EFL1: variants seen among roughly 807,000 people sequenced by gnomAD.
EFL1 encodes the protein elongation factor like GTPase 1.
Under a neutral mutation model 126.7 loss-of-function variants are expected in EFL1, and 76 were observed. That is an observed-to-expected ratio of 0.60 (90% CI 0.50 to 0.73). The LOEUF is 0.73. Ranked by LOEUF, EFL1 falls within the 30% of genes least tolerant of loss-of-function variation. The probability of loss-of-function intolerance (pLI) is 0.00; values close to 1 mark genes in which losing one functional copy is unlikely to be tolerated. For synonymous variants in EFL1, 410 were observed against 448.4 expected, an observed-to-expected ratio of 0.91 and a Z score of 1.08; for missense variants, 1,128 against 1,343.2, an observed-to-expected ratio of 0.84 and a Z score of 2.50.
chr15:82,156,756 T>G (rs72749537), intron 17 of EFL1, among the ~76,000 whole-genome samples: 1 of 152,198 alleles, frequency 6.6e-6, no homozygotes, highest in Non-Finnish European at 1.5e-5. Context: ...ATGATTATGA[T>G]TATAGTCCCA....
intron 15 of EFL1, among the ~76,000 whole-genome samples, chr15:82,164,807 G>C (rs1210138232): frequency 6.6e-6 from 1 of 151,244 alleles, no homozygotes; most frequent in Non-Finnish European, 1.5e-5. Flanking sequence ...TGAGGCAGGT[G>C]AATTGCTTGA....
chr15:82,239,930 A>G (rs1299052311), intron 6 of EFL1, among the ~76,000 whole-genome samples: 2 of 152,148 alleles, frequency 1.3e-5, no homozygotes, highest in East Asian at 1.9e-4. Context: ...TGTTCTCCAA[A>G]TATCTCTTTG....
intron 4 of EFL1, among the ~76,000 whole-genome samples, chr15:82,247,360 T>C (rs183120194): frequency 6.6e-6 from 1 of 152,100 alleles, no homozygotes; most frequent in African/African-American, 2.4e-5. Context: ...TTCTCAGGGA[T>C]GGTGAAAAGC....
intron 15 of EFL1, among the ~76,000 whole-genome samples, chr15:82,191,372 T>G (rs1054257673): frequency 2.0e-5 from 3 of 152,226 alleles, no homozygotes; most frequent in Non-Finnish European, 2.9e-5. Flanking sequence ...AGTTTCAAAG[T>G]CACTATTCTG....
At chr15:82,235,607 TATTA>T (rs1457909575) in intron 7 of EFL1, among the ~76,000 whole-genome samples, 20 of 152,248 alleles carry the variant, frequency 1.3e-4, no homozygotes, top group South Asian at 1.2e-3. Context: ...CATACAAATA[TATTA>T]ATTAATACAG....
chr15:82,157,802 G>A lies in EFL1; in HGVS notation c.1941C>T (p.Val647=), dbSNP rs748976302. The change falls in exon 17 of 20, where the codon GTC becomes GTT. Residue 647 remains valine, a synonymous_variant. Transcript: ENST00000268206. Reference sequence around the variant, plus strand: ...CTCCCGTTTCCTGAATTAAAATCTGGACACAGGGATCAGCCTGGTTTAACA... The same window carrying A: ...CTCCCGTTTCCTGAATTAAAATCTGAACACAGGGATCAGCCTGGTTTAACA... ...MKLLNQADPC[V]QILIQETGEH... The A allele has an allele frequency of 1.2e-6, 2 of 1,614,030 alleles. No individual in the cohort carries two copies. Among genetic ancestry groups the A allele is most frequent in the African/African-American group, 2.7e-5 (2 of 75,018 alleles).
chr15:82,140,164 C>T (rs1437471843), intron 18 of EFL1, among the ~76,000 whole-genome samples: 3 of 152,164 alleles, frequency 2.0e-5, no homozygotes, highest in Admixed American at 1.3e-4. Context: ...GTCTACTTCC[C>T]CAGCTAGCTA....
chr15:82,191,034 A>AG lies in EFL1; in HGVS notation c.1750+23682dup, dbSNP rs200941739. Among the ~76,000 whole-genome samples, 269 of 150,302 alleles carry AG rather than the reference A, an allele frequency of 1.8e-3. 2 individuals are homozygous for AG. Among genetic ancestry groups the AG allele is most frequent in the African/African-American group, 3.8e-3 (154 of 40,986 alleles). On this transcript the variant is annotated intron_variant, in intron 15 of 19. Transcript: ENST00000268206. ...GTATCCCTACTGTAATAAAAAAAAA[A>AG]GGGGGGGGAGTTTATTTTGTCAAGT...
intron 2 of EFL1, among the ~76,000 whole-genome samples, chr15:82,260,591 C>T (rs565267690): frequency 3.9e-5 from 6 of 152,342 alleles, no homozygotes; most frequent in African/African-American, 1.4e-4. Flanking sequence ...CATGGTGAAG[C>T]GTTTACCTTC....
At chr15:82,193,299 C>T (rs2074377885) in intron 15 of EFL1, among the ~76,000 whole-genome samples, 1 of 152,146 alleles carries the variant, frequency 6.6e-6, no homozygotes, top group East Asian at 1.9e-4. Context: ...ACATATTGAG[C>T]ACCACCATCA....
intron 6 of EFL1, among the ~76,000 whole-genome samples, chr15:82,239,742 T>C (rs2074912017): frequency 6.6e-6 from 1 of 152,252 alleles, no homozygotes; most frequent in African/African-American, 2.4e-5. Flanking sequence ...TTTATGACTT[T>C]GCCCATCGTA....
intron 15 of EFL1, among the ~76,000 whole-genome samples, chr15:82,204,183 G>T (rs1403201994): frequency 6.6e-6 from 1 of 151,390 alleles, no homozygotes; most frequent in Non-Finnish European, 1.5e-5. Context: ...CATGTTTCAG[G>T]TCATACTAGA....
At chr15:82,181,467 G>C (rs533983989) in intron 15 of EFL1, among the ~76,000 whole-genome samples, 1 of 152,302 alleles carries the variant, frequency 6.6e-6, no homozygotes, top group East Asian at 1.9e-4. Flanking sequence ...TCTAGAAGTG[G>C]AAGGAGCTTG....
chr15:82,164,858 C>T (rs920809187), intron 15 of EFL1, among the ~76,000 whole-genome samples: 8 of 147,840 alleles, frequency 5.4e-5, no homozygotes, highest in African/African-American at 1.5e-4. Context: ...GATCGTGCCA[C>T]TGCACTCCAG....
At chr15:82,134,730 G>C (rs2073702178) in intron 19 of EFL1, among the ~76,000 whole-genome samples, 1 of 152,176 alleles carries the variant, frequency 6.6e-6, no homozygotes, top group Admixed American at 6.5e-5. Context: ...TGACATACAT[G>C]TACAACAGCA....
chr15:82,206,704 C>T (rs8023960), intron 15 of EFL1, among the ~76,000 whole-genome samples: 66,450 of 151,782 alleles, frequency 0.44, 16,932 homozygotes, highest in African/African-American at 0.71. Context: ...GCATAAAGTA[C>T]CAAAACTGAC....
intron 17 of EFL1, among the ~76,000 whole-genome samples, chr15:82,154,010 C>G (rs186315939): frequency 4.6e-5 from 7 of 152,334 alleles, no homozygotes; most frequent in Admixed American, 1.3e-4. Flanking sequence ...ATCTACAACA[C>G]TGCCCTCTTA....
intron 15 of EFL1, among the ~76,000 whole-genome samples, chr15:82,188,332 A>T (rs989104310): frequency 1.3e-5 from 2 of 152,070 alleles, no homozygotes; most frequent in African/African-American, 4.8e-5. Context: ...TCTTGGGTCT[A>T]GCCTACTTCC....
chr15:82,227,419 G>C (rs2074775531), intron 11 of EFL1, 31 bp downstream of exon 11: 2 of 1,613,730 alleles, frequency 1.2e-6, no homozygotes, highest in Admixed American at 1.7e-5. Context: ...TCAATGACAT[G>C]GTATATTCCA....
Sources: allele counts gnomAD v4.1 joint callset (sites outside exome capture counted in the v4.1 genomes callset), GRCh38; gene constraint gnomAD v4.1.1; transcripts MANE v1.5; gene names NCBI Gene and HGNC (gene_info 2026-07-23, HGNC 2026-07-21).